The following SIPA1L3 variants were observed in gnomAD, a reference collection of about 807,000 sequenced individuals.
SIPA1L3 encodes signal induced proliferation associated 1 like 3.
A neutral mutation model predicts 150.1 loss-of-function variants in SIPA1L3; 59 were observed. That is an observed-to-expected ratio of 0.39 (90% CI 0.32 to 0.49). The LOEUF (loss-of-function observed/expected upper bound fraction) is 0.49. Among genes scored for constraint, SIPA1L3 ranks in the 20% least tolerant of loss-of-function variants. The pLI, the probability that SIPA1L3 is intolerant of heterozygous loss-of-function variation, is 0.86. For missense variants in SIPA1L3, 2,211 were observed against 2,489.5 expected, an observed-to-expected ratio of 0.89 and a Z score of 2.38; for synonymous variants, 1,070 against 1,077.6, an observed-to-expected ratio of 0.99 and a Z score of 0.14.
chr19:38,122,090 A>G (rs964550022), intron 9 of SIPA1L3, among the ~76,000 whole-genome samples: 2 of 150,958 alleles, frequency 1.3e-5, no homozygotes, highest in Non-Finnish European at 3.0e-5. Context: ...GCGTGGTGGC[A>G]CACACCTGTA....
At chr19:38,112,267 T>C (rs56216562) in intron 8 of SIPA1L3, among the ~76,000 whole-genome samples, 4,382 of 150,832 alleles carry the variant, frequency 0.029, 207 homozygotes, top group African/African-American at 0.1. Flanking sequence ...CACAAGCACA[T>C]GCACATATGC....
intron 4 of SIPA1L3, among the ~76,000 whole-genome samples, chr19:38,096,074 C>G (rs1022278697): frequency 6.6e-6 from 1 of 152,080 alleles, no homozygotes; most frequent in African/African-American, 2.4e-5. Context: ...TGTTAATTAC[C>G]GGGGCCAGAA....
At chr19:38,024,536 GC>G (rs1968456779) in intron 1 of SIPA1L3, among the ~76,000 whole-genome samples, 1 of 152,028 alleles carries the variant, frequency 6.6e-6, no homozygotes, top group African/African-American at 2.4e-5. Context: ...GGGGAGCCCG[GC>G]ACTGCCCCCC....
At chr19:38,096,631 C>T (rs1056182810) in intron 4 of SIPA1L3, among the ~76,000 whole-genome samples, 23 of 152,006 alleles carry the variant, frequency 1.5e-4, no homozygotes, top group African/African-American at 5.3e-4. Flanking sequence ...TTTCTTTGTG[C>T]GTTCTTGGTG....
chr19:37,967,897 G>C (rs139494564), intron 1 of SIPA1L3, among the ~76,000 whole-genome samples: 1 of 152,040 alleles, frequency 6.6e-6, no homozygotes, highest in Non-Finnish European at 1.5e-5. Context: ...GAGCTCAAGC[G>C]ATCCACCCGC....
chr19:37,938,901 G>A (rs1416939917), intron 1 of SIPA1L3, among the ~76,000 whole-genome samples: 1 of 152,116 alleles, frequency 6.6e-6, no homozygotes, highest in African/African-American at 2.4e-5. Flanking sequence ...GGGATTACAG[G>A]CGTGAGCCAC....
intron 1 of SIPA1L3, among the ~76,000 whole-genome samples, chr19:38,011,401 C>G (rs775051398): frequency 2.0e-5 from 3 of 152,074 alleles, no homozygotes; most frequent in African/African-American, 7.2e-5. Context: ...ACTTGAGCCC[C>G]GGAGGTCCAG....
intron 4 of SIPA1L3, among the ~76,000 whole-genome samples, chr19:38,098,496 G>C (rs531624480): frequency 4.0e-5 from 6 of 149,932 alleles, no homozygotes; most frequent in Non-Finnish European, 8.8e-5. Context: ...CCAGGTTCAA[G>C]CAATTCTCCT....
chr19:37,997,159 C>T (rs894956168), intron 1 of SIPA1L3, among the ~76,000 whole-genome samples: 4 of 152,180 alleles, frequency 2.6e-5, no homozygotes, highest in African/African-American at 7.2e-5. Flanking sequence ...TAGATACCTT[C>T]GTCTTCTGTA....
intron 2 of SIPA1L3, among the ~76,000 whole-genome samples, chr19:38,075,501 G>A (rs1969818216): frequency 1.3e-5 from 2 of 149,412 alleles, no homozygotes; most frequent in Non-Finnish European, 3.0e-5. Flanking sequence ...ACTTGCAGGG[G>A]TGGGTGCGGT....
At chr19:37,980,491 T>C (rs1967175901) in intron 1 of SIPA1L3, among the ~76,000 whole-genome samples, 1 of 152,100 alleles carries the variant, frequency 6.6e-6, no homozygotes, top group Non-Finnish European at 1.5e-5. Context: ...AGGTGTATCT[T>C]AGGGTGGGGG....
rs535316386 is a variant in SIPA1L3 at position 37,920,264 on chromosome 19, G to A, written c.-379+12906G>A. Among the ~76,000 whole-genome samples the A allele has an allele frequency of 5.3e-5, 8 of 151,870 alleles. No individual in the cohort carries two copies. The East Asian group carries it at 1.2e-3, about 22-fold the overall frequency. ...TGTAGAGATGGGATCTCTCTATGTT[G>A]CCCAGGCCGGTCTTGAACTCTTGGA... On this transcript the variant is annotated intron_variant, in intron 1 of 21. Transcript: ENST00000222345.
rs369183516 is a variant in SIPA1L3, at chr19:38,152,836, G to T, written c.3534-4G>T. 19 of 1,606,906 alleles carry T rather than the reference G, an allele frequency of 1.2e-5. No homozygotes were observed. In the African/African-American group the frequency reaches 1.7e-4, roughly 15 times the overall value. ...CCTGGGCACGTTCTTCTCATCCCCTGCAGGTACACGGCTGCCCCACACCCC... is the reference window on the plus strand; with the variant it reads ...CCTGGGCACGTTCTTCTCATCCCCTTCAGGTACACGGCTGCCCCACACCCC... On this transcript the variant is annotated splice_region_variant and splice_polypyrimidine_tract_variant and intron_variant, in intron 12 of 21. Coordinates refer to ENST00000222345, the MANE Select transcript of SIPA1L3 (RefSeq NM_015073.3).
chr19:38,144,213 T>C (rs1971657923), intron 12 of SIPA1L3, among the ~76,000 whole-genome samples: 1 of 152,230 alleles, frequency 6.6e-6, no homozygotes, highest in African/African-American at 2.4e-5. Context: ...TCATCCTTAT[T>C]AGCCAGCTAA....
At chr19:37,912,630 G>C (rs545335193) in intron 1 of SIPA1L3, among the ~76,000 whole-genome samples, 1 of 151,996 alleles carries the variant, frequency 6.6e-6, no homozygotes, top group Non-Finnish European at 1.5e-5. Context: ...CTAGTAGCTG[G>C]GGCTACAGGT....
At chr19:37,983,640 C>G (rs945514844) in intron 1 of SIPA1L3, among the ~76,000 whole-genome samples, 2 of 152,108 alleles carry the variant, frequency 1.3e-5, no homozygotes, top group African/African-American at 4.8e-5. Flanking sequence ...CATGGTGGCT[C>G]ACACCTGTAA....
At chr19:38,134,599 C>T (rs757205240) in intron 10 of SIPA1L3, among the ~76,000 whole-genome samples, 15 of 148,154 alleles carry the variant, frequency 1.0e-4, no homozygotes, top group Non-Finnish European at 1.9e-4. Flanking sequence ...TCCAGCTATT[C>T]AGGAGGCTGA....
At chr19:38,009,377 G>A (rs527257555) in intron 1 of SIPA1L3, among the ~76,000 whole-genome samples, 15 of 152,112 alleles carry the variant, frequency 9.9e-5, no homozygotes, top group Non-Finnish European at 1.6e-4. Context: ...TTCCAGTGTG[G>A]AGGCACTCTC....
At chr19:38,069,600 C>T (rs1000000426) in intron 2 of SIPA1L3, among the ~76,000 whole-genome samples, 8 of 152,268 alleles carry the variant, frequency 5.3e-5, no homozygotes, top group Middle Eastern at 6.8e-3. Context: ...GGCCTGCGCC[C>T]CACCCCAACC....
Sources: gnomAD v4.1 joint callset for allele counts (sites outside exome capture counted in the v4.1 genomes callset) on GRCh38, gnomAD v4.1.1 for gene constraint, MANE v1.5 for transcripts, NCBI Gene and HGNC (gene_info 2026-07-23, HGNC 2026-07-21) for gene names.